Variants in IL13RA1 observed in about 807,000 individuals in gnomAD.
The protein encoded by IL13RA1 is interleukin-13 receptor subunit alpha-1.
A neutral mutation model predicts 33.8 loss-of-function variants in IL13RA1; 14 were observed. That is an observed-to-expected ratio of 0.41 (90% CI 0.27 to 0.65). IL13RA1 has a LOEUF of 0.65. Among genes scored for constraint, IL13RA1 ranks in the 30% least tolerant of loss-of-function variants. The probability of loss-of-function intolerance (pLI) is 0.28; values close to 1 mark genes in which losing one functional copy is unlikely to be tolerated. For missense variants in IL13RA1, 313 were observed against 327.0 expected, an observed-to-expected ratio of 0.96 and a Z score of 0.33; for synonymous variants, 116 against 115.7, an observed-to-expected ratio of 1.00 and a Z score of -0.02.
In IL13RA1 at chrX:118,748,142, T is replaced by C. The variant is rs1379124421; in HGVS notation, c.367+1050T>C. Among the ~76,000 whole-genome samples, 3 of 100,952 alleles carry C rather than the reference T, an allele frequency of 3.0e-5. No individual in the cohort carries two copies. The Admixed American group carries it at 3.5e-4, about 12-fold the overall frequency. The allele number at this position is 100,952 out of a possible 115,157, so 87.7% of individuals were successfully genotyped here. A position where few individuals can be genotyped will look rare whatever the true frequency, so the allele number is the denominator to read the frequency against. ...TATAATATTATATAATATATAATTA[T>C]ATATAATATTATGTTGTCCCTTGGT... is the stretch of plus-strand genomic sequence containing the variant. On this transcript the variant is annotated intron_variant, in intron 3 of 10. Coordinates refer to ENST00000371666, the MANE Select transcript of IL13RA1 (RefSeq NM_001560.3).
chrX:118,770,563 A>G lies in IL13RA1; in HGVS notation c.1010-3316A>G, dbSNP rs752991533. 4.6e-5 allele frequency: 24 copies of G among 519,332 alleles called. 1 individual carries two copies. The East Asian group carries it at 7.8e-4, about 17-fold the overall frequency. The allele number at this position is 519,332 out of a possible 1,213,427, so 42.8% of individuals were successfully genotyped here. The stretch of plus-strand genomic sequence containing the variant: ...GTGGATGCGCATGGCAGCGCTGCCC[A>G]CGTTCCGCAAGCTGTTCCGCAAGCT... On this transcript the variant is annotated intron_variant, in intron 8 of 10. Coordinates refer to ENST00000371666, the MANE Select transcript of IL13RA1 (RefSeq NM_001560.3).
At chrX:118,802,327 G>A in the IL13RA1 span, among the ~76,000 whole-genome samples, 2 of 112,450 alleles carry the variant, frequency 1.8e-5, no homozygotes, top group Admixed American at 9.4e-5. Flanking sequence ...ATGTCTGCAA[G>A]TCAAGAACAA....
intron 1 of IL13RA1, among the ~76,000 whole-genome samples, chrX:118,736,584 T>C (rs971803461): frequency 1.8e-5 from 2 of 111,857 alleles, no homozygotes; most frequent in African/African-American, 6.5e-5. Context: ...TGTTTTTCTC[T>C]GTATATATAG....
intron 10 of IL13RA1, among the ~76,000 whole-genome samples, chrX:118,787,261 G>A (rs190143943): frequency 7.8e-4 from 87 of 111,500 alleles, no homozygotes; most frequent in Non-Finnish European, 1.3e-3. Flanking sequence ...GTCTGGGGGA[G>A]ACATCACATG....
the IL13RA1 span, among the ~76,000 whole-genome samples, chrX:118,800,274 G>A: frequency 9.1e-6 from 1 of 110,021 alleles, no homozygotes; most frequent in African/African-American, 3.3e-5. Flanking sequence ...GGCGACCCGC[G>A]CGGGTCCCCT....
chrX:118,747,197 G>C, intron 3 of IL13RA1, 105 bp downstream of exon 3: 3 of 516,006 alleles, frequency 5.8e-6, no homozygotes, highest in Non-Finnish European at 9.7e-6. Flanking sequence ...AACATTTTCT[G>C]AGTCTAATAA....
rs1376925297 is a variant in IL13RA1, at chrX:118,746,938, A to G, written c.229-16A>G. 2 of 1,165,310 alleles carry G rather than the reference A, an allele frequency of 1.7e-6. No homozygotes were observed. The highest frequency in any genetic ancestry group is 3.6e-5 in the African/African-American group (2 of 55,837). On this transcript the variant is annotated splice_polypyrimidine_tract_variant and intron_variant, in intron 2 of 10. Transcript: ENST00000371666. ...TGTTAGCTGAAGCAATGCCTTTTTC[A>G]ATTTTCTAACCTTAGAAAATAGCTC...
intron 10 of IL13RA1, among the ~76,000 whole-genome samples, chrX:118,783,385 T>C (rs1316531590): frequency 8.9e-6 from 1 of 111,878 alleles, no homozygotes; most frequent in Non-Finnish European, 1.9e-5. Flanking sequence ...GATTTGTTTA[T>C]TTTTTTCTAC....
chrX:118,731,656 G>A (rs1192850959), intron 1 of IL13RA1, among the ~76,000 whole-genome samples: 1 of 111,317 alleles, frequency 9.0e-6, no homozygotes, highest in Non-Finnish European at 1.9e-5. Context: ...CATAGCACTT[G>A]CTGCCTGTGG....
the IL13RA1 span, among the ~76,000 whole-genome samples, chrX:118,801,771 C>A: frequency 8.9e-6 from 1 of 112,209 alleles, no homozygotes; most frequent in South Asian, 3.7e-4. Context: ...TGTCCCTCCT[C>A]ATGTGAAAAT....
Position 118,793,848 on chromosome X carries a change from A to T in IL13RA1, c.*1994A>T, listed in dbSNP as rs886627180. ...CTCTGAGGAAGCTGGGGTTCATGAC[A>T]ATGGCAGATGTAAAGTTATTCTTGA... On this transcript the variant is annotated 3_prime_UTR_variant, in exon 11 of 11. Transcript: ENST00000371666. 1.8e-4 allele frequency: 20 copies of T among 111,823 alleles called. No individual in the cohort carries two copies. The highest frequency in any genetic ancestry group is 6.2e-4 in the African/African-American group (19 of 30,780). The allele number at this position is 111,823 out of a possible 1,213,427, so 9.2% of individuals were successfully genotyped here.
intron 10 of IL13RA1, among the ~76,000 whole-genome samples, chrX:118,779,602 A>G (rs1436056802): frequency 8.9e-6 from 1 of 111,867 alleles, no homozygotes; most frequent in African/African-American, 3.2e-5. Flanking sequence ...CTACCTTTCT[A>G]AAATTTCCAG....
intron 8 of IL13RA1, chrX:118,770,879 G>A: frequency 7.7e-6 from 2 of 260,197 alleles, no homozygotes; most frequent in Admixed American, 5.2e-5. Context: ...GCTTTCCAAC[G>A]ACCCTTCCTG....
At chrX:118,731,068 A>C (rs1338968873) in intron 1 of IL13RA1, among the ~76,000 whole-genome samples, 2 of 112,231 alleles carry the variant, frequency 1.8e-5, no homozygotes, top group African/African-American at 6.5e-5. Context: ...TTAACTCTTA[A>C]TTTAAATAGG....
chrX:118,732,482 C>T (rs1013709668), intron 1 of IL13RA1, among the ~76,000 whole-genome samples: 3 of 109,964 alleles, frequency 2.7e-5, no homozygotes, highest in African/African-American at 9.9e-5. Context: ...TATACATGTG[C>T]CATGTTGGTG....
intron 2 of IL13RA1, among the ~76,000 whole-genome samples, chrX:118,744,288 A>AT (rs949456059): frequency 1.4e-4 from 16 of 112,153 alleles, no homozygotes; most frequent in Admixed American, 1.3e-3. Flanking sequence ...TTTGAAAGAA[A>AT]TTAAAAAAAA....
intron 1 of IL13RA1, among the ~76,000 whole-genome samples, chrX:118,728,612 A>G (rs2017182835): frequency 8.9e-6 from 1 of 112,267 alleles, no homozygotes; most frequent in South Asian, 3.7e-4. Flanking sequence ...TATAGGTTTT[A>G]TTATCACATT....
rs1037287395 is a variant in IL13RA1 at position 118,788,524 on chromosome X, C to A, written c.1192-3238C>A. Among the ~76,000 whole-genome samples, 5 of 112,010 alleles carry A rather than the reference C, an allele frequency of 4.5e-5. No homozygotes were observed. In the East Asian group the frequency reaches 1.4e-3, roughly 31 times the overall value. On this transcript the variant is annotated intron_variant, in intron 10 of 10. Coordinates refer to ENST00000371666, the MANE Select transcript of IL13RA1 (RefSeq NM_001560.3). Reference sequence around the variant, plus strand: ...ATTGTCTGTGGCTGCTTTCATGCTACAACAGCAGAGTTGTTTTATAGGCAC... The same window carrying A: ...ATTGTCTGTGGCTGCTTTCATGCTAAAACAGCAGAGTTGTTTTATAGGCAC...
chrX:118,732,646 A>T (rs760526432), intron 1 of IL13RA1, among the ~76,000 whole-genome samples: 1 of 109,383 alleles, frequency 9.1e-6, no homozygotes, highest in African/African-American at 3.3e-5. Flanking sequence ...GAGTGAGAAC[A>T]TGCAGTGTTT....
Sources: allele counts gnomAD v4.1 joint callset (sites outside exome capture counted in the v4.1 genomes callset), GRCh38; gene constraint gnomAD v4.1.1; transcripts MANE v1.5; gene names NCBI Gene and HGNC (gene_info 2026-07-23, HGNC 2026-07-21).